Variants in RADIL observed in about 807,000 individuals in gnomAD.
RADIL encodes the protein Rap associating with DIL domain, also known as ras-associating and dilute domain-containing protein.
A neutral mutation model predicts 97.6 loss-of-function variants in RADIL; 99 were observed. That is an observed-to-expected ratio of 1.01 (90% CI 0.86 to 1.20). The LOEUF is 1.20. RADIL is among the 50% of genes most tolerant of loss of function. The probability of loss-of-function intolerance (pLI) is 0.00; values close to 1 mark genes in which losing one functional copy is unlikely to be tolerated. For missense variants in RADIL, 1,765 were observed against 1,498.9 expected (o/e 1.18, Z -2.93); for synonymous variants, 803 against 691.8 (o/e 1.16, Z -2.52).
intron 2 of RADIL, chr7:4,860,553 G>C (rs774806542): frequency 6.2e-7 from 1 of 1,614,198 alleles, no homozygotes; most frequent in Non-Finnish European, 8.5e-7. Context: ...GGAAATGACT[G>C]TGGATTCACA....
intron 2 of RADIL, among the ~76,000 whole-genome samples, chr7:4,841,926 TG>T (rs1562446429): frequency 6.6e-6 from 1 of 151,938 alleles, no homozygotes; most frequent in Non-Finnish European, 1.5e-5. Flanking sequence ...TGTGGTGGTG[TG>T]TGCCTGCAGT....
Position 4,837,695 on chromosome 7 carries a change from A to G in RADIL, c.536-1090T>C. 2.5e-6 allele frequency: 1 copy of G among 403,240 alleles called. No homozygotes were observed. 25.0% of individuals were successfully genotyped at this position (403,240 alleles called of 1,614,324 possible). ...TGCACCCACACACATTAACACATAC[A>G]TGCACACAAACATGCGCACAGTTCA... On this transcript the variant is annotated intron_variant, in intron 2 of 14. Coordinates refer to ENST00000399583, the MANE Select transcript of RADIL (RefSeq NM_018059.5). The surrounding 1 kb of genome is among the most constrained non-coding windows in gnomAD (Gnocchi z 5.6).
At chr7:4,863,589 G>C (rs1292775007) in intron 2 of RADIL, among the ~76,000 whole-genome samples, 1 of 152,190 alleles carries the variant, frequency 6.6e-6, no homozygotes, top group Non-Finnish European at 1.5e-5. Context: ...ACATCTAGAT[G>C]GTGCAACTTT....
At position 4,826,567 on chromosome 7, in the gene RADIL, T is replaced by C. The variant is rs139701728; in HGVS notation, c.1455-4013A>G. 3.5e-3 allele frequency among the ~76,000 whole-genome samples: 527 copies of C among 151,894 alleles called. 3 individuals carry two copies. The highest frequency in any genetic ancestry group is 0.012 in the African/African-American group (510 of 41,428). On this transcript the variant is annotated intron_variant, in intron 5 of 14. Transcript: ENST00000399583. ...GGCCAATATGGTGAACCCCTGTCTC[T>C]ACTAAAAATACAAAAATTAGCCGGG...
At chr7:4,803,236 C>T (rs1350442046) in intron 11 of RADIL, among the ~76,000 whole-genome samples, 3 of 105,484 alleles carry the variant, frequency 2.8e-5, no homozygotes, top group East Asian at 2.9e-4. Context: ...GCCCCCTCCC[C>T]GGGCACCTCA....
rs750235211 is a variant in RADIL at position 4,799,410 on chromosome 7, T to C, written c.3196A>G (p.Lys1066Glu). Reference sequence around the variant, plus strand: ...GGGGGCGTGCGGAAATGGATCTTCTTGGCTGTTTCCACGTCGGACTTCGCG... The same window carrying C: ...GGGGGCGTGCGGAAATGGATCTTCTCGGCTGTTTCCACGTCGGACTTCGCG... Reference protein sequence around the residue: ...LVAKSDVETAKKIHFRTPPL With the variant: ...LVAKSDVETAEKIHFRTPPL Residue 1066 changes from lysine (K) to glutamate (E), a missense_variant, in exon 15 of 15, where the codon AAG (lysine) becomes GAG (glutamate). Transcript: ENST00000399583. 7 of 1,613,680 alleles carry C rather than the reference T, an allele frequency of 4.3e-6. No homozygotes were observed. The highest frequency in any genetic ancestry group is 1.3e-5 in the African/African-American group (1 of 74,912).
At chr7:4,803,258 C>G in intron 11 of RADIL, among the ~76,000 whole-genome samples, 1 of 108,068 alleles carries the variant, frequency 9.3e-6, no homozygotes, top group East Asian at 3.0e-4. Flanking sequence ...GGCACGCTGG[C>G]TGGGGGGCCC....
chr7:4,805,055 C>G (rs894705103), intron 10 of RADIL, among the ~76,000 whole-genome samples: 1 of 152,162 alleles, frequency 6.6e-6, no homozygotes, highest in African/African-American at 2.4e-5. Flanking sequence ...GATTGCACCA[C>G]TGCACTCCAG....
chr7:4,834,944 T>C lies in RADIL; in HGVS notation c.1079A>G (p.Gln360Arg), dbSNP rs769751458. ...GGCCCGGGCGGGCAGGGGCTGGGCCTGCGCGGGGTCCTTGAATAGCAGCAG... is the reference window on the plus strand; with the variant it reads ...GGCCCGGGCGGGCAGGGGCTGGGCCCGCGCGGGGTCCTTGAATAGCAGCAG... ...YYLLLFKDPA[Q>R]AQPLPARALA... Residue 360 changes from glutamine (Q) to arginine (R), a missense_variant, in exon 4 of 15, where the codon CAG becomes CGG. Transcript: ENST00000399583. The surrounding 1 kb of genome is among the most constrained non-coding windows in gnomAD (Gnocchi z 6.0). The C allele has an allele frequency of 2.8e-5, 45 of 1,600,030 alleles. No individual in the cohort carries two copies. Among genetic ancestry groups the C allele is most frequent in the Non-Finnish European group, 3.8e-5 (45 of 1,173,842 alleles).
intron 11 of RADIL, among the ~76,000 whole-genome samples, chr7:4,802,562 C>T (rs1183742219): frequency 7.1e-6 from 1 of 140,234 alleles, no homozygotes; most frequent in African/African-American, 2.8e-5. Flanking sequence ...GGACCCCCTC[C>T]CCGGGCACCT....
rs116286923 is a variant in RADIL at position 4,814,854 on chromosome 7, G to C, written c.2139+424C>G. Among the ~76,000 whole-genome samples the C allele has an allele frequency of 6.6e-6, 1 of 152,174 alleles. No individual in the cohort carries two copies. The highest frequency in any genetic ancestry group is 1.5e-5 in the Non-Finnish European group (1 of 68,042). ...AGCTGGGGTCACTCCAGCTTCTAGA[G>C]GCCACTGCACTCCTGTGCTCCTGGC... On this transcript the variant is annotated intron_variant, in intron 9 of 14. Coordinates refer to ENST00000399583, the MANE Select transcript of RADIL (RefSeq NM_018059.5). This position sits in a 1 kb window ranked among gnomAD's most constrained non-coding sequence, Gnocchi z 4.5.
chr7:4,830,646 G>A (rs1490018233), intron 5 of RADIL, among the ~76,000 whole-genome samples: 1 of 152,190 alleles, frequency 6.6e-6, no homozygotes, highest in Non-Finnish European at 1.5e-5. Flanking sequence ...GGGAGGCTGA[G>A]GCAGGTGGAT....
In RADIL at chr7:4,818,823, A is replaced by G. The variant is rs1229055897; in HGVS notation, c.1616-1472T>C. ...ACTGGTGGGAAGAGGGAAACGGGGC[A>G]TGGGAATGACAGGAGAAGGTGGCAG... is the stretch of plus-strand genomic sequence containing the variant. On this transcript the variant is annotated intron_variant, in intron 6 of 14. Coordinates refer to ENST00000399583, the MANE Select transcript of RADIL (RefSeq NM_018059.5). This position sits in a 1 kb window ranked among gnomAD's most constrained non-coding sequence, Gnocchi z 7.1. Among the ~76,000 whole-genome samples the G allele has an allele frequency of 6.6e-6, 1 of 152,112 alleles. No homozygotes were observed. Among genetic ancestry groups the G allele is most frequent in the African/African-American group, 2.4e-5 (1 of 41,422 alleles).
At chr7:4,845,315 G>A (rs918535754) in intron 2 of RADIL, among the ~76,000 whole-genome samples, 1 of 152,130 alleles carries the variant, frequency 6.6e-6, no homozygotes, top group African/African-American at 2.4e-5. Context: ...CTACTCAGGA[G>A]GTGGAAGCAG....
intron 9 of RADIL, among the ~76,000 whole-genome samples, chr7:4,811,479 C>CTTTTTTTTT (rs35136302): frequency 3.4e-5 from 2 of 59,052 alleles, no homozygotes; most frequent in Non-Finnish European, 6.2e-5. Context: ...GGTATTATTT[C>CTTTTTTTTT]TTTTTTTTTT....
rs1389185953 is a variant in RADIL at position 4,815,695 on chromosome 7, C to G, written c.1967-245G>C. ...GGTGGGCTGTGACTGCCGCTGACTC[C>G]ACAGTGCAGCCCCTAGCTGGGACCC... On this transcript the variant is annotated intron_variant, in intron 8 of 14. Transcript: ENST00000399583. This position sits in a 1 kb window ranked among gnomAD's most constrained non-coding sequence, Gnocchi z 8.0. Among the ~76,000 whole-genome samples, 1 of 152,150 alleles carries G rather than the reference C, an allele frequency of 6.6e-6. No individual in the cohort carries two copies. Among genetic ancestry groups the G allele is most frequent in the African/African-American group, 2.4e-5 (1 of 41,430 alleles).
rs1784471636 is a variant in RADIL, at chr7:4,880,978, T to TA, written c.-65+2617dup. 4.0e-5 allele frequency among the ~76,000 whole-genome samples: 6 copies of TA among 151,842 alleles called. No individual in the cohort carries two copies. The South Asian group carries it at 1.3e-3, about 32-fold the overall frequency. ...ATTAGCTGGGCATGGTGTGCACCTG[T>TA]AGTCCCAGCTACTCGGGAGGCTGAG... On this transcript the variant is annotated intron_variant, in intron 1 of 14. Transcript: ENST00000399583. This position sits in a 1 kb window ranked among gnomAD's most constrained non-coding sequence, Gnocchi z 4.5.
At chr7:4,861,416 G>C in intron 2 of RADIL, 2 of 1,614,116 alleles carry the variant, frequency 1.2e-6, no homozygotes, top group Non-Finnish European at 1.7e-6. Flanking sequence ...ATAGAATGAG[G>C]TGAAAAAGTC....
In RADIL at chr7:4,815,189, C is replaced by T. The variant is rs1583275616; in HGVS notation, c.2139+89G>A. The T allele has an allele frequency of 5.0e-6, 7 of 1,408,886 alleles. No homozygotes were observed. The highest frequency in any genetic ancestry group is 2.6e-4 in the Middle Eastern group (1 of 3,838). The allele number at this position is 1,408,886 out of a possible 1,614,324, so 87.3% of individuals were successfully genotyped here. A position where few individuals can be genotyped will look rare whatever the true frequency, so the allele number is the denominator to read the frequency against. ...GGTTTCCAGCCAAGAAGCCCCGTCCCGGCCCCCAGGCTTGGTTTGTGAGCC... is the reference window on the plus strand; with the variant it reads ...GGTTTCCAGCCAAGAAGCCCCGTCCTGGCCCCCAGGCTTGGTTTGTGAGCC... On this transcript the variant is annotated intron_variant, in intron 9 of 14. Coordinates refer to ENST00000399583, the MANE Select transcript of RADIL (RefSeq NM_018059.5). This position sits in a 1 kb window ranked among gnomAD's most constrained non-coding sequence, Gnocchi z 8.0.
Sources: allele counts gnomAD v4.1 joint callset (sites outside exome capture counted in the v4.1 genomes callset), GRCh38; gene constraint gnomAD v4.1.1; non-coding constraint Gnocchi (gnomAD v3.1); transcripts MANE v1.5; gene names NCBI Gene and HGNC (gene_info 2026-07-23, HGNC 2026-07-21).